KIAA1210: variants seen among roughly 807,000 people sequenced by gnomAD.
KIAA1210 encodes KIAA1210.
Under a neutral mutation model 78.9 loss-of-function variants are expected in KIAA1210, and 48 were observed. That is an observed-to-expected ratio of 0.61 (90% CI 0.48 to 0.77). The LOEUF (loss-of-function observed/expected upper bound fraction) is 0.77, where lower values mean the gene tolerates loss of function less well. KIAA1210 is among the 30% of genes least tolerant of loss of function. The probability of loss-of-function intolerance (pLI) is 0.00; values close to 1 mark genes in which losing one functional copy is unlikely to be tolerated. For synonymous variants in KIAA1210, 406 were observed against 404.5 expected (o/e 1.00, Z -0.04); for missense variants, 1,108 against 1,100.0 (o/e 1.01, Z -0.10).
At chrX:119,094,083 G>A in intron 7 of KIAA1210, 1 of 1,192,959 alleles carries the variant, frequency 8.4e-7, no homozygotes, top group South Asian at 1.8e-5. Context: ...GAACCACACT[G>A]GAAGGCCACG....
At chrX:119,137,912 G>C (rs1047182511) in intron 2 of KIAA1210, among the ~76,000 whole-genome samples, 5 of 111,816 alleles carry the variant, frequency 4.5e-5, no homozygotes, top group Admixed American at 1.9e-4. Context: ...AAATGAGGCA[G>C]AGGGGTAAGA....
chrX:119,110,919 CTTT>C (rs61691431), intron 3 of KIAA1210, among the ~76,000 whole-genome samples: 107 of 99,858 alleles, frequency 1.1e-3, no homozygotes, highest in African/African-American at 3.7e-3. Flanking sequence ...TTCATGCTGG[CTTT>C]TTTTTTTTTT....
At chrX:119,085,972 A>G (rs145461464) in intron 9 of KIAA1210, among the ~76,000 whole-genome samples, 22 of 113,202 alleles carry the variant, frequency 1.9e-4, no homozygotes, top group African/African-American at 6.7e-4. Context: ...GTGTGGTTAC[A>G]TAAGTGTGGT....
At chrX:119,150,708 G>A, upstream of KIAA1210, 4 of 713,241 alleles carry the variant, frequency 5.6e-6, no homozygotes, top group South Asian at 8.1e-5. Flanking sequence ...AGCTCTCCCA[G>A]GAGGGCACCG....
chrX:119,137,475 G>A (rs769880370), intron 2 of KIAA1210, among the ~76,000 whole-genome samples: 5 of 112,485 alleles, frequency 4.4e-5, no homozygotes, highest in African/African-American at 6.5e-5. Flanking sequence ...AGCCTTGCCC[G>A]AGTCATAGCC....
At position 119,116,481 on chromosome X, in the gene KIAA1210, C is replaced by A; in HGVS notation, c.230+15G>T. 8.3e-7 allele frequency: 1 copy of A among 1,207,034 alleles called. No homozygotes were observed. The highest frequency in any genetic ancestry group is 3.0e-5 in the East Asian group (1 of 33,777). Reference sequence around the variant, plus strand: ...TTCCCCTGTCCCCATCACTCTCCACCGCATCTGAGCTCACCTGGCCTTAGT... The same window carrying A: ...TTCCCCTGTCCCCATCACTCTCCACAGCATCTGAGCTCACCTGGCCTTAGT... On this transcript the variant is annotated intron_variant, in intron 3 of 11. Coordinates refer to ENST00000691062, the MANE Select transcript of KIAA1210 (RefSeq NM_001394962.1).
At chrX:119,141,370 T>C (rs1929046523) in intron 2 of KIAA1210, among the ~76,000 whole-genome samples, 1 of 112,089 alleles carries the variant, frequency 8.9e-6, no homozygotes, top group Non-Finnish European at 1.9e-5. Flanking sequence ...TGTAGCAATA[T>C]TTTTCTGAAA....
upstream of KIAA1210, among the ~76,000 whole-genome samples, chrX:119,130,751 A>G (rs765846865): frequency 8.9e-6 from 1 of 112,509 alleles, no homozygotes; most frequent in African/African-American, 3.2e-5. Flanking sequence ...TTATCCAGTA[A>G]ATTATGAGAG....
rs151093028 is a variant in KIAA1210, at chrX:119,133,154, C to T, written c.411-9502G>A. 8.4e-3 allele frequency among the ~76,000 whole-genome samples: 940 copies of T among 111,469 alleles called. 8 individuals are homozygous for T. The highest frequency in any genetic ancestry group is 0.046 in the Middle Eastern group (10 of 218). ...AAGTATCAGAAAGGGCCCCTATACC[C>T]CTTAATTGCAAAATAAAGTATCCTC... On this transcript the variant is annotated intron_variant, in intron 2 of 13. Coordinates refer to the KIAA1210 transcript ENST00000402510.
In KIAA1210 at chrX:119,081,450, T is replaced by C; in HGVS notation, c.4481A>G (p.Lys1494Arg). The C allele has an allele frequency of 1.7e-6, 2 of 1,209,745 alleles. No individual in the cohort carries two copies. The highest frequency in any genetic ancestry group is 3.5e-5 in the South Asian group (2 of 56,698). The change falls in exon 12 of 12, where the codon AAA (lysine) becomes AGA (arginine). Residue 1494 changes from lysine to arginine, a missense_variant. Coordinates refer to ENST00000691062, the MANE Select transcript of KIAA1210 (RefSeq NM_001394962.1). ...LQVPAMEKETKRSSTLPAKFQ... is the reference protein window; with the variant it reads ...LQVPAMEKETRRSSTLPAKFQ... ...CTTGGCTGGGAGAGTTGAAGATCGTTTGGTTTCTTTTTCCATGGCAGGAAC... is the reference window on the plus strand; with the variant it reads ...CTTGGCTGGGAGAGTTGAAGATCGTCTGGTTTCTTTTTCCATGGCAGGAAC...
chrX:119,109,881 A>G (rs1163515521), intron 3 of KIAA1210, among the ~76,000 whole-genome samples: 2 of 111,859 alleles, frequency 1.8e-5, no homozygotes, highest in Non-Finnish European at 3.8e-5. Flanking sequence ...CCCTTCCCCA[A>G]GCTTGCTAAA....
At chrX:119,108,597 G>A (rs1002540113) in intron 4 of KIAA1210, 126 bp from the exon 5 acceptor site, 23 of 825,306 alleles carry the variant, frequency 2.8e-5, no homozygotes, top group Non-Finnish European at 3.6e-5. Context: ...AGGCACGGTG[G>A]CTCGCGCATG....
upstream of KIAA1210, among the ~76,000 whole-genome samples, chrX:119,128,582 T>C (rs143655915): frequency 2.9e-4 from 32 of 112,178 alleles, no homozygotes; most frequent in African/African-American, 1.0e-3. Context: ...AAGCATCCAA[T>C]GTTACTTCCC....
chrX:119,147,071 C>T (rs1160450762), intron 2 of KIAA1210, among the ~76,000 whole-genome samples: 1 of 111,183 alleles, frequency 9.0e-6, no homozygotes, highest in Non-Finnish European at 1.9e-5. Context: ...ATTTGCCTTC[C>T]CTAACTGGAA....
At chrX:119,092,346 C>G (rs183143998) in intron 8 of KIAA1210, among the ~76,000 whole-genome samples, 288 of 112,094 alleles carry the variant, frequency 2.6e-3, no homozygotes, top group Non-Finnish European at 3.5e-3. Context: ...GCATACAGCG[C>G]TGATAATAGC....
At chrX:119,135,777 G>A (rs947023038) in intron 2 of KIAA1210, among the ~76,000 whole-genome samples, 3 of 112,360 alleles carry the variant, frequency 2.7e-5, no homozygotes, top group Admixed American at 1.9e-4. Context: ...AAGAAGGCCA[G>A]GTGCAGTGGC....
intron 2 of KIAA1210, among the ~76,000 whole-genome samples, chrX:119,119,437 G>A (rs1928374819): frequency 1.8e-5 from 2 of 112,092 alleles, no homozygotes; most frequent in African/African-American, 6.5e-5. Context: ...GGGAAAACTT[G>A]GCAATTCTAC....
At chrX:119,098,037 T>C (rs1157042861) in intron 6 of KIAA1210, among the ~76,000 whole-genome samples, 1 of 112,135 alleles carries the variant, frequency 8.9e-6, no homozygotes, top group Admixed American at 9.4e-5. Flanking sequence ...ACATCTTTCA[T>C]ACCTCAGAGT....
chrX:119,084,592 G>C (rs1322354237), intron 10 of KIAA1210, among the ~76,000 whole-genome samples: 1 of 110,160 alleles, frequency 9.1e-6, no homozygotes, highest in African/African-American at 3.3e-5. Flanking sequence ...GCATAAGAAT[G>C]ATACAATGGA....
Sources: allele counts gnomAD v4.1 joint callset (sites outside exome capture counted in the v4.1 genomes callset), GRCh38; gene constraint gnomAD v4.1.1; transcripts MANE v1.5; gene names NCBI Gene and HGNC (gene_info 2026-07-23, HGNC 2026-07-21).